TANC1: variants seen among roughly 807,000 people sequenced by gnomAD.
TANC1 encodes the protein tetratricopeptide repeat, ankyrin repeat and coiled-coil containing 1.
TANC1 carries 77 observed loss-of-function variants against 149.7 expected under a neutral mutation model. That is an observed-to-expected ratio of 0.51 (90% CI 0.43 to 0.62). The LOEUF is 0.62. TANC1 is among the 20% of genes least tolerant of loss of function. The pLI is 0.00. For synonymous variants in TANC1, 854 were observed against 925.0 expected, an observed-to-expected ratio of 0.92 and a Z score of 1.39; for missense variants, 1,985 against 2,321.8, an observed-to-expected ratio of 0.85 and a Z score of 2.98.
chr2:159,132,791 GC>G (rs2050240853), intron 4 of TANC1, among the ~76,000 whole-genome samples: 1 of 151,796 alleles, frequency 6.6e-6, no homozygotes, highest in Non-Finnish European at 1.5e-5. Context: ...ACCGTGCCAG[GC>G]CTGGGTACAG....
chr2:159,052,167 T>C (rs887770000), intron 2 of TANC1, among the ~76,000 whole-genome samples: 2 of 152,110 alleles, frequency 1.3e-5, no homozygotes, highest in African/African-American at 2.4e-5. Context: ...AAGAAAACAA[T>C]ACAACCAACA....
At chr2:159,124,869 T>C (rs1236434552) in intron 4 of TANC1, among the ~76,000 whole-genome samples, 3 of 99,340 alleles carry the variant, frequency 3.0e-5, no homozygotes, top group Admixed American at 2.8e-4. Context: ...CCCCCCGCCC[T>C]CCTCACCAAG....
intron 22 of TANC1, among the ~76,000 whole-genome samples, chr2:159,222,449 C>T (rs1027929720): frequency 6.6e-6 from 1 of 151,968 alleles, no homozygotes. Context: ...TTTTTTACCC[C>T]TTTAGATATC....
At chr2:159,022,765 G>T (rs1345757789) in intron 2 of TANC1, among the ~76,000 whole-genome samples, 1 of 152,120 alleles carries the variant, frequency 6.6e-6, no homozygotes, top group Non-Finnish European at 1.5e-5. Context: ...AATAGAAGTG[G>T]AGGTGGCCTG....
At chr2:159,058,323 C>G (rs2041998392) in intron 2 of TANC1, among the ~76,000 whole-genome samples, 2 of 152,140 alleles carry the variant, frequency 1.3e-5, no homozygotes, top group African/African-American at 4.8e-5. Context: ...ATGTATACAC[C>G]AAATTATTTT....
chr2:159,166,490 CACA>C (rs1294924608), intron 8 of TANC1, among the ~76,000 whole-genome samples: 10 of 151,306 alleles, frequency 6.6e-5, no homozygotes, highest in South Asian at 6.3e-4. Flanking sequence ...TGTGTGTGTG[CACA>C]ACAAGTGTAT....
chr2:159,095,744 A>AT (rs1420472443), intron 3 of TANC1, among the ~76,000 whole-genome samples: 2 of 151,490 alleles, frequency 1.3e-5, no homozygotes, highest in East Asian at 3.9e-4. Flanking sequence ...AAAAAAAAAA[A>AT]AAAAAAAAAA....
At chr2:159,046,989 C>T (rs2041112063) in intron 2 of TANC1, among the ~76,000 whole-genome samples, 1 of 152,120 alleles carries the variant, frequency 6.6e-6, no homozygotes, top group Non-Finnish European at 1.5e-5. Context: ...GTTCCTGGTT[C>T]ATCCTTGGTG....
At chr2:159,094,494 C>CT (rs1255752432) in intron 3 of TANC1, among the ~76,000 whole-genome samples, 2 of 152,158 alleles carry the variant, frequency 1.3e-5, no homozygotes, top group Non-Finnish European at 2.9e-5. Flanking sequence ...CATCCCTCAG[C>CT]TTTTACAAGT....
intron 1 of TANC1, among the ~76,000 whole-genome samples, chr2:158,997,214 T>C (rs1236439875): frequency 1.3e-5 from 2 of 152,190 alleles, no homozygotes; most frequent in African/African-American, 4.8e-5. Context: ...GTTCCAACGC[T>C]GCTTTATATA....
chr2:159,053,031 A>G (rs566919966), intron 2 of TANC1, among the ~76,000 whole-genome samples: 2 of 152,356 alleles, frequency 1.3e-5, no homozygotes, highest in South Asian at 2.1e-4. Context: ...GAAGCCATCC[A>G]TGGAACTTAA....
intron 2 of TANC1, among the ~76,000 whole-genome samples, chr2:159,064,974 C>G (rs72936463): frequency 6.3e-4 from 96 of 152,178 alleles, no homozygotes; most frequent in Middle Eastern, 3.4e-3. Context: ...TGCTTGCCTT[C>G]TACTTCCCTT....
chr2:159,076,996 TC>T (rs1177811756), intron 3 of TANC1, among the ~76,000 whole-genome samples: 4 of 152,080 alleles, frequency 2.6e-5, no homozygotes, highest in East Asian at 1.9e-4. Flanking sequence ...TTTTTTTTTT[TC>T]CTTTAGATTT....
At chr2:158,997,686 T>G (rs1315453930) in intron 1 of TANC1, among the ~76,000 whole-genome samples, 1 of 152,188 alleles carries the variant, frequency 6.6e-6, no homozygotes, top group African/African-American at 2.4e-5. Context: ...CTGGAATAAT[T>G]TGAGCAACAA....
At chr2:159,111,916 C>T (rs533883160) in intron 4 of TANC1, among the ~76,000 whole-genome samples, 2 of 152,048 alleles carry the variant, frequency 1.3e-5, no homozygotes, top group South Asian at 2.1e-4. Context: ...AAATATATGC[C>T]CATTGTACGC....
chr2:159,159,715 TGTGA>T (rs1409022294), intron 7 of TANC1, among the ~76,000 whole-genome samples: 56 of 63,208 alleles, frequency 8.9e-4, no homozygotes, highest in East Asian at 5.6e-3. Context: ...TGTGTGTGTG[TGTGA>T]GAGAGAGAGA....
At chr2:159,110,301 C>T (rs1193916869) in intron 4 of TANC1, among the ~76,000 whole-genome samples, 3 of 152,204 alleles carry the variant, frequency 2.0e-5, no homozygotes, top group Non-Finnish European at 4.4e-5. Flanking sequence ...TCAGTACTAT[C>T]CTCAGTTTCC....
chr2:159,217,381 A>T, intron 19 of TANC1, 116 bp from the exon 20 acceptor site: 1 of 1,348,774 alleles, frequency 7.4e-7, no homozygotes, highest in Non-Finnish European at 1.0e-6. Context: ...GCAGGTTCAA[A>T]GGGGGAGGAC....
At chr2:159,025,996 A>G (rs1414105806) in intron 2 of TANC1, among the ~76,000 whole-genome samples, 1 of 152,140 alleles carries the variant, frequency 6.6e-6, no homozygotes, top group Non-Finnish European at 1.5e-5. Flanking sequence ...GTGCAGTGGC[A>G]TGATCATAGC....
Sources: allele counts gnomAD v4.1 joint callset (sites outside exome capture counted in the v4.1 genomes callset), GRCh38; gene constraint gnomAD v4.1.1; transcripts MANE v1.5; gene names NCBI Gene and HGNC (gene_info 2026-07-23, HGNC 2026-07-21).